The following DHX37 variants were observed in gnomAD, a reference collection of about 807,000 sequenced individuals.
DHX37 encodes DEAH-box helicase 37.
A neutral mutation model predicts 134.3 loss-of-function variants in DHX37; 52 were observed. The observed-to-expected ratio is 0.39, with a 90% CI of 0.31 to 0.49. The LOEUF is 0.49. DHX37 is among the 20% of genes least tolerant of loss of function. The pLI is 0.93. For synonymous variants in DHX37, 634 were observed against 670.7 expected (o/e 0.95, Z 0.85); for missense variants, 1,344 against 1,580.8 (o/e 0.85, Z 2.54).
chr12:124,948,966 T>C (rs1176911397), intron 25 of DHX37, among the ~76,000 whole-genome samples: 1 of 152,176 alleles, frequency 6.6e-6, no homozygotes, highest in African/African-American at 2.4e-5. Flanking sequence ...GCTCTGTGCA[T>C]GCAACTTGTC....
At chr12:124,953,472 G>A in intron 20 of DHX37, 1 of 183,764 alleles carries the variant, frequency 5.4e-6, no homozygotes, top group Non-Finnish European at 1.2e-5. Context: ...AGCTTCCCTG[G>A]GTGTTGGTGG....
intron 16 of DHX37, among the ~76,000 whole-genome samples, chr12:124,958,175 C>T (rs185995361): frequency 1.1e-4 from 17 of 152,330 alleles, no homozygotes; most frequent in Admixed American, 1.0e-3. Context: ...TTTGTGAACA[C>T]ACTGGAAACT....
At chr12:124,985,378 G>A (rs924103358) in intron 2 of DHX37, among the ~76,000 whole-genome samples, 1 of 151,970 alleles carries the variant, frequency 6.6e-6, no homozygotes, top group African/African-American at 2.4e-5. Flanking sequence ...CTTTACTCTT[G>A]CAAATGTTTG....
Position 124,967,125 on chromosome 12 carries a change from T to C in DHX37, c.1502A>G (p.Gln501Arg). ...KAFPPSRARP[Q>R]EKDDDQKDSV... ...GCTGGTCGGGGCGTCCTCTTTACCT[T>C]GTGGCCGGGCTCTGGAGGGTGGGAA... Residue 501 changes from glutamine to arginine, a missense_variant and splice_region_variant, in exon 11 of 27, where the codon CAA (glutamine) becomes CGA (arginine). By Grantham distance (43) the Gln-to-Arg change is conservative. Transcript: ENST00000308736. The C allele has an allele frequency of 6.2e-7, 1 of 1,613,682 alleles. No homozygotes were observed. Among genetic ancestry groups the C allele is most frequent in the Non-Finnish European group, 8.5e-7 (1 of 1,180,004 alleles).
rs562180924 is a variant in DHX37, at chr12:124,973,743, G to C, written c.981-1144C>G. 3.4e-5 allele frequency among the ~76,000 whole-genome samples: 5 copies of C among 147,200 alleles called. No individual in the cohort carries two copies. In the South Asian group the frequency reaches 1.1e-3, roughly 33 times the overall value. On this transcript the variant is annotated intron_variant, in intron 6 of 26. Transcript: ENST00000308736. ...GGCAACCTCCGCCTCTCGGGTTCAA[G>C]GGATTCTTCTGCCTCAGCCTCCTGA...
chr12:124,981,453 G>A (rs1023552807), intron 3 of DHX37, among the ~76,000 whole-genome samples: 1 of 152,154 alleles, frequency 6.6e-6, no homozygotes, highest in African/African-American at 2.4e-5. Flanking sequence ...AGACTAGGTG[G>A]GAACATGAAT....
chr12:124,975,388 A>C (rs748477295), intron 6 of DHX37, 31 bp downstream of exon 6: 1 of 1,608,096 alleles, frequency 6.2e-7, no homozygotes, highest in Non-Finnish European at 8.5e-7. Flanking sequence ...GGACCACCCC[A>C]TAGTCCGCCC....
chr12:124,952,952 C>T (rs1278870567), intron 20 of DHX37: 1 of 156,140 alleles, frequency 6.4e-6, no homozygotes, highest in Non-Finnish European at 1.4e-5. Flanking sequence ...GCCCTGGCCT[C>T]ATCCTTCCCT....
At position 124,980,986 on chromosome 12, in the gene DHX37, C is replaced by T; in HGVS notation, c.390-148G>A. ...CCCTTCCTGCAGATACCTCCTCTCA[C>T]TCCACTTAAGCCTCTGCTTAAGCAC... On this transcript the variant is annotated intron_variant, in intron 3 of 26. Transcript: ENST00000308736. The surrounding 1 kb of genome is among the most constrained non-coding windows in gnomAD (Gnocchi z 5.3). 2.4e-6 allele frequency: 2 copies of T among 840,992 alleles called. No individual in the cohort carries two copies. Among genetic ancestry groups the T allele is most frequent in the Non-Finnish European group, 3.6e-6 (2 of 556,340 alleles). 52.1% of individuals were successfully genotyped at this position (840,992 alleles called of 1,614,324 possible). A position where few individuals can be genotyped will look rare whatever the true frequency, so the allele number is the denominator to read the frequency against.
At chr12:124,971,254 G>GA in intron 8 of DHX37, 48 bp downstream of exon 8, 1 of 1,588,854 alleles carries the variant, frequency 6.3e-7, no homozygotes, top group Non-Finnish European at 8.6e-7. Flanking sequence ...GACAGAGCTG[G>GA]GGGGGGCCTA....
intron 13 of DHX37, among the ~76,000 whole-genome samples, 190 bp downstream of exon 13, chr12:124,965,478 T>G (rs947387490): frequency 6.6e-6 from 1 of 152,162 alleles, no homozygotes; most frequent in Non-Finnish European, 1.5e-5. Flanking sequence ...CAGCAAGGGG[T>G]TGGCAGCCCC....
At chr12:124,952,708 C>G in intron 20 of DHX37, 138 bp from the exon 21 acceptor site, 1 of 817,990 alleles carries the variant, frequency 1.2e-6, no homozygotes, top group Non-Finnish European at 1.7e-6. Context: ...CCAGAGGCCA[C>G]CAGCAGGACC....
chr12:124,973,979 G>A (rs1355114845), intron 6 of DHX37, among the ~76,000 whole-genome samples: 1 of 130,408 alleles, frequency 7.7e-6, no homozygotes. Flanking sequence ...ACGGAGTCTC[G>A]CTCTTTCGCC....
chr12:124,964,827 C>T, intron 14 of DHX37, 103 bp downstream of exon 14: 1 of 1,442,514 alleles, frequency 6.9e-7, no homozygotes, highest in Non-Finnish European at 9.3e-7. Flanking sequence ...TCTGGGGATG[C>T]TGATCAAACA....
rs898451217 is a variant in DHX37, at chr12:124,949,232, C to A, written c.3290+754G>T. 3.3e-5 allele frequency among the ~76,000 whole-genome samples: 5 copies of A among 152,242 alleles called. No homozygotes were observed. Among genetic ancestry groups the A allele is most frequent in the Non-Finnish European group, 7.3e-5 (5 of 68,048 alleles). The stretch of plus-strand genomic sequence containing the variant: ...GTGAGCTGAGTGACTGACACGGCTC[C>A]TGACAGCCCAGCAGCGGGTGCTGTG... On this transcript the variant is annotated intron_variant, in intron 25 of 26. Coordinates refer to ENST00000308736, the MANE Select transcript of DHX37 (RefSeq NM_032656.4). This position sits in a 1 kb window ranked among gnomAD's most constrained non-coding sequence, Gnocchi z 4.0.
Position 124,986,087 on chromosome 12 carries a change from G to T in DHX37, c.276+9C>A. 1 of 1,613,202 alleles carries T rather than the reference G, an allele frequency of 6.2e-7. No individual in the cohort carries two copies. On this transcript the variant is annotated intron_variant, in intron 2 of 26. Transcript: ENST00000308736. Reference sequence around the variant, plus strand: ...AGCCACTTGCAGACCCTGCCCGAGTGGGGTGTACCTGGCTCTTTTTCTCCT... The same window carrying T: ...AGCCACTTGCAGACCCTGCCCGAGTTGGGTGTACCTGGCTCTTTTTCTCCT...
chr12:124,969,471 G>C (rs191659963), intron 8 of DHX37, among the ~76,000 whole-genome samples: 11 of 152,250 alleles, frequency 7.2e-5, no homozygotes, highest in Non-Finnish European at 1.6e-4. Flanking sequence ...AAGCACCTCT[G>C]TGGGAGGCAG....
chr12:124,968,644 T>C lies in DHX37; in HGVS notation c.1298A>G (p.Glu433Gly), dbSNP rs1288872730. Residue 433 changes from glutamate (E) to glycine (G), a missense_variant, in exon 10 of 27, where the codon GAA becomes GGA. Physicochemically the swap from Glu to Gly is moderately conservative, Grantham distance 98. Transcript: ENST00000308736. ...CACAGTCACTGGGAACTGCCTGGAT[T>C]CCACCTGTGGGACGCCCAGGAAGGC... ...FAKPPPVIKV[E>G]SRQFPVTVHF... 6.2e-7 allele frequency: 1 copy of C among 1,613,892 alleles called. No homozygotes were observed. The highest frequency in any genetic ancestry group is 1.7e-5 in the Admixed American group (1 of 60,008).
chr12:124,983,582 C>T (rs1485862358), intron 2 of DHX37, among the ~76,000 whole-genome samples: 1 of 151,722 alleles, frequency 6.6e-6, no homozygotes, highest in East Asian at 2.0e-4. Context: ...GTCAGGAGTT[C>T]AAGACCAACC....
Sources: gnomAD v4.1 joint callset for allele counts (sites outside exome capture counted in the v4.1 genomes callset) on GRCh38, gnomAD v4.1.1 for gene constraint, Gnocchi (gnomAD v3.1) non-coding constraint, MANE v1.5 for transcripts, NCBI Gene and HGNC (gene_info 2026-07-23, HGNC 2026-07-21) for gene names.